Variants in C9orf57 observed in about 807,000 individuals in gnomAD.
The protein encoded by C9orf57 is chromosome 9 open reading frame 57, also known as uncharacterized protein C9orf57.
In C9orf57, 12 loss-of-function variants were observed where a neutral mutation model predicts 12.9. The ratio of observed to expected loss-of-function variants is 0.93; its 90% CI spans 0.60 to 1.51. The LOEUF is 1.51. Among genes scored for constraint, C9orf57 ranks in the 40% most tolerant of loss-of-function variants. C9orf57 has a pLI of 0.00. For missense variants in C9orf57, 141 were observed against 162.8 expected, an observed-to-expected ratio of 0.87 and a Z score of 0.73; for synonymous variants, 49 against 57.1, an observed-to-expected ratio of 0.86 and a Z score of 0.64.
In C9orf57 at chr9:72,060,567, A is replaced by G. The variant is rs971168040; in HGVS notation, c.-124T>C. On this transcript the variant is annotated 5_prime_UTR_variant, in exon 1 of 5. Coordinates refer to ENST00000651200, the MANE Select transcript of C9orf57 (RefSeq NM_001128618.2). ...CTTTCTTAAAAGGATGAGAACGAGTACAATTTGTGATGTGATGAAGTCCGT... is the reference window on the plus strand; with the variant it reads ...CTTTCTTAAAAGGATGAGAACGAGTGCAATTTGTGATGTGATGAAGTCCGT... The G allele has an allele frequency of 4.5e-6, 7 of 1,545,802 alleles. No homozygotes were observed. Among genetic ancestry groups the G allele is most frequent in the Admixed American group, 2.0e-5 (1 of 50,320 alleles).
chr9:72,059,958 A>C (rs910093567), intron 1 of C9orf57, among the ~76,000 whole-genome samples: 1 of 152,206 alleles, frequency 6.6e-6, no homozygotes, highest in Non-Finnish European at 1.5e-5. Flanking sequence ...AATAGATGAT[A>C]TTTCTAGAAT....
In C9orf57 at chr9:72,060,562, C is replaced by T. The variant is rs143095490; in HGVS notation, c.-119G>A. 3.1e-4 allele frequency: 479 copies of T among 1,545,984 alleles called. 2 individuals are homozygous for T. In the African/African-American group the frequency reaches 5.4e-3, roughly 18 times the overall value. Reference sequence around the variant, plus strand: ...CTGAACTTTCTTAAAAGGATGAGAACGAGTACAATTTGTGATGTGATGAAG... The same window carrying T: ...CTGAACTTTCTTAAAAGGATGAGAATGAGTACAATTTGTGATGTGATGAAG... On this transcript the variant is annotated 5_prime_UTR_variant, in exon 1 of 5. Transcript: ENST00000651200.
intron 2 of C9orf57, among the ~76,000 whole-genome samples, chr9:72,059,004 A>C (rs1184865876): frequency 6.6e-6 from 1 of 151,914 alleles, no homozygotes; most frequent in African/African-American, 2.4e-5. Context: ...CAGCCTCCCG[A>C]GTAGCTAGGT....
intron 1 of C9orf57, 31 bp from the exon 2 acceptor site, chr9:72,059,415 T>G: frequency 5.2e-6 from 8 of 1,545,930 alleles, no homozygotes; most frequent in Non-Finnish European, 7.0e-6. Flanking sequence ...CACATTTATG[T>G]TAGCTATTTT....
At chr9:72,052,859 G>A (rs944069634) in intron 4 of C9orf57, among the ~76,000 whole-genome samples, 2 of 152,206 alleles carry the variant, frequency 1.3e-5, no homozygotes, top group Admixed American at 6.5e-5. Context: ...GGAGGTGTAT[G>A]TATGACCTCA....
rs1260012098 is a variant in C9orf57 at position 72,059,312 on chromosome 9, G to A, written c.20C>T (p.Ala7Val). ...TAAGAGGCGGAATAAGATAACACCA[G>A]CAAAAACAATCCTTCTCATTCTGAT... MRRIVF[A>V]GVILFRLLGV... The change falls in exon 2 of 5, where the codon GCT becomes GTT. Residue 7 changes from alanine to valine, a missense_variant. By Grantham distance (64) the Ala-to-Val change is moderately conservative. Transcript: ENST00000651200. 1.4e-5 allele frequency: 22 copies of A among 1,551,610 alleles called. No individual in the cohort carries two copies. The highest frequency in any genetic ancestry group is 1.8e-5 in the Non-Finnish European group (21 of 1,146,996).
In C9orf57 at chr9:72,056,844, C is replaced by A. The variant is rs373557112; in HGVS notation, c.98-1G>T. 1.3e-4 allele frequency: 194 copies of A among 1,549,970 alleles called. No homozygotes were observed. The highest frequency in any genetic ancestry group is 1.5e-4 in the Non-Finnish European group (177 of 1,145,734). On this transcript the variant is annotated splice_acceptor_variant, in intron 2 of 4. Coordinates refer to ENST00000651200, the MANE Select transcript of C9orf57 (RefSeq NM_001128618.2). LOFTEE classifies it high-confidence loss of function. ...GGTTTTGTCTGGCAGGTTCCCAGGT[C>A]TAAAAGACATCCATGGAAGGGGATT...
At position 72,052,412 on chromosome 9, in the gene C9orf57, T is replaced by C. The variant is rs1243353522; in HGVS notation, c.304A>G (p.Lys102Glu). 1.2e-5 allele frequency: 19 copies of C among 1,552,222 alleles called. No homozygotes were observed. Among genetic ancestry groups the C allele is most frequent in the Non-Finnish European group, 1.7e-5 (19 of 1,147,088 alleles). Residue 102 changes from lysine (K) to glutamate (E), a missense_variant, in exon 5 of 5, where the codon AAA becomes GAA. Coordinates refer to ENST00000651200, the MANE Select transcript of C9orf57 (RefSeq NM_001128618.2). ...IQGGIQWYSV[K>E]GCTKNTSECF... ...TCTGATGTGTTCTTTGTGCAGCCTT[T>C]GACTGAATACCATTGAATGCCACCT...
In C9orf57 at chr9:72,060,335, A is replaced by G. The variant is rs535345401; in HGVS notation, c.-54+162T>C. ...GCTGGGATTACAGGCGTGAGCCACCACGCCCGGCCTATGAATTATTAATAA... is the reference window on the plus strand; with the variant it reads ...GCTGGGATTACAGGCGTGAGCCACCGCGCCCGGCCTATGAATTATTAATAA... On this transcript the variant is annotated intron_variant, in intron 1 of 4. Transcript: ENST00000651200. 3.3e-5 allele frequency among the ~76,000 whole-genome samples: 5 copies of G among 152,286 alleles called. No individual in the cohort carries two copies. In the South Asian group the frequency reaches 6.2e-4, roughly 19 times the overall value.
chr9:72,056,868 T>C (rs1372194941), intron 2 of C9orf57, 25 bp from the exon 3 acceptor site: 19 of 1,541,504 alleles, frequency 1.2e-5, no homozygotes, highest in African/African-American at 6.9e-5. Flanking sequence ...TGGAAGGGGA[T>C]TGAAAGATTG....
chr9:72,056,807 C>T lies in C9orf57; in HGVS notation c.134G>A (p.Trp45Ter). The change falls in exon 3 of 5, where the codon TGG (tryptophan) becomes TAG (stop). Residue 45 changes from tryptophan to a stop codon, truncating the protein, a stop_gained. Transcript: ENST00000651200. LOFTEE classifies it high-confidence loss of function. ...ACCTTGAATGTGGACCTCTTCTTTCCAGTACTGACCAGGTTTTGTCTGGCA... is the reference window on the plus strand; with the variant it reads ...ACCTTGAATGTGGACCTCTTCTTTCTAGTACTGACCAGGTTTTGTCTGGCA... ...GTCQTKPGQY[W>*]KEEVHIQDVG... The T allele has an allele frequency of 1.3e-6, 2 of 1,550,890 alleles. No homozygotes were observed. Among genetic ancestry groups the T allele is most frequent in the Non-Finnish European group, 1.7e-6 (2 of 1,146,384 alleles).
chr9:72,057,427 A>G (rs997183103), intron 2 of C9orf57, among the ~76,000 whole-genome samples: 4 of 151,956 alleles, frequency 2.6e-5, no homozygotes, highest in African/African-American at 9.7e-5. Context: ...GGGTTTCACC[A>G]TATTGGCCAG....
At chr9:72,059,448 G>T in intron 1 of C9orf57, 64 bp from the exon 2 acceptor site, 1 of 1,487,780 alleles carries the variant, frequency 6.7e-7, no homozygotes, top group Non-Finnish European at 9.1e-7. Context: ...GACTGGTTAA[G>T]TTTTATTGAT....
intron 4 of C9orf57, 61 bp from the exon 5 acceptor site, chr9:72,052,496 T>G: frequency 1.4e-6 from 2 of 1,470,060 alleles, no homozygotes; most frequent in Non-Finnish European, 9.2e-7. Flanking sequence ...TGGCCTCAGA[T>G]GCTAATAGGT....
intron 2 of C9orf57, among the ~76,000 whole-genome samples, chr9:72,057,895 CAG>C (rs1824242212): frequency 6.6e-6 from 1 of 152,058 alleles, no homozygotes; most frequent in Non-Finnish European, 1.5e-5. Flanking sequence ...AGAAATAGCC[CAG>C]AGATTCTTGA....
At position 72,059,396 on chromosome 9, in the gene C9orf57, A is replaced by G; in HGVS notation, c.-53-12T>C. The G allele has an allele frequency of 6.4e-7, 1 of 1,551,472 alleles. No individual in the cohort carries two copies. The highest frequency in any genetic ancestry group is 8.7e-7 in the Non-Finnish European group (1 of 1,146,902). The stretch of plus-strand genomic sequence containing the variant: ...CGTCCCACTGATTTCTGGGGAAGCA[A>G]TAAAGTTACACATTTATGTTAGCTA... On this transcript the variant is annotated splice_polypyrimidine_tract_variant and intron_variant, in intron 1 of 4. Transcript: ENST00000651200.
At chr9:72,052,898 A>C (rs1320050604) in intron 4 of C9orf57, among the ~76,000 whole-genome samples, 1 of 152,224 alleles carries the variant, frequency 6.6e-6, no homozygotes, top group Non-Finnish European at 1.5e-5. Context: ...TAAAGAAGTA[A>C]TGCATGATCA....
intron 4 of C9orf57, among the ~76,000 whole-genome samples, chr9:72,052,671 C>G (rs1004248167): frequency 4.6e-5 from 7 of 152,180 alleles, no homozygotes; most frequent in Non-Finnish European, 1.0e-4. Context: ...AACAAAAAAG[C>G]TTTCAAACTC....
chr9:72,056,051 A>T (rs930437731), intron 4 of C9orf57, 23 bp downstream of exon 4: 14 of 1,537,052 alleles, frequency 9.1e-6, no homozygotes, highest in Non-Finnish European at 1.2e-5. Context: ...TTTAATTAAA[A>T]TTTTTAAAGT....
Sources: allele counts gnomAD v4.1 joint callset (sites outside exome capture counted in the v4.1 genomes callset), GRCh38; gene constraint gnomAD v4.1.1; transcripts MANE v1.5; gene names NCBI Gene and HGNC (gene_info 2026-07-23, HGNC 2026-07-21).